Variants in LRBA observed in about 807,000 individuals in gnomAD.
LRBA encodes the protein LPS responsive beige-like anchor protein, also known as lipopolysaccharide-responsive and beige-like anchor protein.
A neutral mutation model predicts 330.0 loss-of-function variants in LRBA; 176 were observed. That is an observed-to-expected ratio of 0.53 (90% confidence interval 0.47 to 0.60). LRBA has a LOEUF of 0.60. Among genes scored for constraint, LRBA ranks in the 20% least tolerant of loss-of-function variants. LRBA has a pLI of 0.00. For missense variants in LRBA, 3,259 were observed against 3,444.8 expected, an observed-to-expected ratio of 0.95 and a Z score of 1.35; for synonymous variants, 1,230 against 1,193.0, an observed-to-expected ratio of 1.03 and a Z score of -0.64.
chr4:150,694,455 T>A (rs1270712038), intron 36 of LRBA, among the ~76,000 whole-genome samples: 16 of 8,544 alleles, frequency 1.9e-3, no homozygotes, highest in Non-Finnish European at 0.017. Flanking sequence ...TAAAGTGTGA[T>A]CTTTAACAAA....
At chr4:150,843,037 TGA>T (rs1185344448) in intron 28 of LRBA, among the ~76,000 whole-genome samples, 1 of 152,174 alleles carries the variant, frequency 6.6e-6, no homozygotes, top group East Asian at 1.9e-4. Flanking sequence ...CGTGCTCCTA[TGA>T]GAGTCTAATG....
In LRBA at chr4:150,536,759, C is replaced by T. The variant is rs568459026; in HGVS notation, c.6331-45724G>A. ...CACAATCCCATTTATAATAGACACA[C>T]ACACACATAAACAAATGAGGTGAAA... On this transcript the variant is annotated intron_variant, in intron 40 of 56. Transcript: ENST00000651943. Among the ~76,000 whole-genome samples the T allele has an allele frequency of 2.6e-5, 4 of 152,238 alleles. No individual in the cohort carries two copies. In the South Asian group the frequency reaches 8.3e-4, roughly 32 times the overall value.
At position 150,265,579 on chromosome 4, in the gene LRBA, C is replaced by T. The variant is rs534283925; in HGVS notation, c.*143G>A. 6 of 599,994 alleles carry T rather than the reference C, an allele frequency of 1.0e-5. No homozygotes were observed. Among genetic ancestry groups the T allele is most frequent in the South Asian group, 2.2e-5 (1 of 45,856 alleles). 37.2% of individuals were successfully genotyped at this position (599,994 alleles called of 1,614,324 possible). ...CCCCAAAAAAGTCAAGCAAAGACTA[C>T]AAAAATAGCAATTATTAATAACTTT... On this transcript the variant is annotated 3_prime_UTR_variant, in exon 57 of 57. Coordinates refer to ENST00000651943, the MANE Select transcript of LRBA (RefSeq NM_001364905.1).
At chr4:150,367,149 A>T (rs567736523) in intron 47 of LRBA, among the ~76,000 whole-genome samples, 146 of 152,332 alleles carry the variant, frequency 9.6e-4, no homozygotes, top group African/African-American at 3.2e-3. Flanking sequence ...AAAATTTTTT[A>T]AATTTTCCTT....
At chr4:150,489,129 G>GAATATATAATATATAATATAT (rs1422250209) in intron 41 of LRBA, among the ~76,000 whole-genome samples, 1 of 61,636 alleles carries the variant, frequency 1.6e-5, no homozygotes, top group East Asian at 5.0e-4. Context: ...TAATATATAA[G>GAATATATAATATATAATATAT]AATATATAAT....
chr4:150,583,012 C>T lies in LRBA; in HGVS notation c.6330+5036G>A. The T allele has an allele frequency of 1.3e-6, 2 of 1,573,104 alleles. No homozygotes were observed. The highest frequency in any genetic ancestry group is 1.7e-6 in the Non-Finnish European group (2 of 1,158,664). ...GTATTGCGAGACGCCGGTGTATAGCCCGGACCTGTGCCCCAACATGATCGC... is the reference window on the plus strand; with the variant it reads ...GTATTGCGAGACGCCGGTGTATAGCTCGGACCTGTGCCCCAACATGATCGC... On this transcript the variant is annotated intron_variant, in intron 40 of 56. Transcript: ENST00000651943. The surrounding 1 kb of genome is among the most constrained non-coding windows in gnomAD (Gnocchi z 9.8).
intron 9 of LRBA, among the ~76,000 whole-genome samples, chr4:150,913,633 A>G (rs1732259208): frequency 6.6e-6 from 1 of 152,328 alleles, no homozygotes; most frequent in East Asian, 1.9e-4. Flanking sequence ...TGAATACTGA[A>G]GTGTCCTACT....
At chr4:150,893,209 T>C (rs1157071744) in intron 16 of LRBA, 60 bp from the exon 17 acceptor site, 6 of 801,190 alleles carry the variant, frequency 7.5e-6, no homozygotes, top group Non-Finnish European at 1.2e-5. Flanking sequence ...AGTTGAATAA[T>C]GAATACTTCT....
intron 2 of LRBA, among the ~76,000 whole-genome samples, chr4:150,968,873 T>G (rs1168357334): frequency 6.6e-6 from 1 of 152,202 alleles, no homozygotes; most frequent in Non-Finnish European, 1.5e-5. Flanking sequence ...CAGACTCTAC[T>G]GTTAGGGGCT....
chr4:150,791,863 C>T (rs1307278251), intron 34 of LRBA, among the ~76,000 whole-genome samples: 2 of 151,760 alleles, frequency 1.3e-5, no homozygotes, highest in Non-Finnish European at 2.9e-5. Context: ...CCCGTCTCTA[C>T]TAAAAATACA....
chr4:150,850,711 CAT>C lies in LRBA; in HGVS notation c.4004+11_4004+12del. Reference sequence around the variant, plus strand: ...GTTTATACACATCTTCCATAATAAACATATAGACAAACCTTCTCCACATCTGT... The same window carrying C: ...GTTTATACACATCTTCCATAATAAACATAGACAAACCTTCTCCACATCTGT... On this transcript the variant is annotated intron_variant, in intron 24 of 56. Transcript: ENST00000651943. The C allele has an allele frequency of 6.4e-7, 1 of 1,565,894 alleles. No individual in the cohort carries two copies.
chr4:150,706,828 A>C (rs1009573194), intron 36 of LRBA, among the ~76,000 whole-genome samples: 2 of 151,678 alleles, frequency 1.3e-5, no homozygotes, highest in Admixed American at 6.6e-5. Context: ...AGAGATCATC[A>C]AACTCACTCA....
At chr4:150,388,656 C>T (rs1387403781) in intron 47 of LRBA, among the ~76,000 whole-genome samples, 1 of 152,018 alleles carries the variant, frequency 6.6e-6, no homozygotes, top group Non-Finnish European at 1.5e-5. Context: ...TTTTTAAAAG[C>T]CTGTTGGGAG....
chr4:150,555,266 C>T (rs142248682), intron 40 of LRBA, among the ~76,000 whole-genome samples: 49 of 152,262 alleles, frequency 3.2e-4, no homozygotes, highest in African/African-American at 1.2e-3. Flanking sequence ...AATGCTACTA[C>T]CTATCCTCAA....
intron 30 of LRBA, among the ~76,000 whole-genome samples, chr4:150,818,922 A>T (rs1368721700): frequency 1.3e-5 from 2 of 152,076 alleles, no homozygotes; most frequent in African/African-American, 4.8e-5. Context: ...GAATTTCCTC[A>T]AGAAAGCTTA....
At chr4:150,691,614 G>A (rs919172918) in intron 36 of LRBA, among the ~76,000 whole-genome samples, 7 of 152,138 alleles carry the variant, frequency 4.6e-5, no homozygotes, top group Non-Finnish European at 5.9e-5. Context: ...TTGTAAAGTC[G>A]TCAACTACTT....
chr4:150,810,327 A>T (rs1008404386), intron 31 of LRBA, among the ~76,000 whole-genome samples: 1 of 152,228 alleles, frequency 6.6e-6, no homozygotes, highest in African/African-American at 2.4e-5. Flanking sequence ...CCCACCCCTT[A>T]GAGTGAGCAC....
chr4:150,338,665 AT>A (rs950577357), intron 48 of LRBA, among the ~76,000 whole-genome samples: 3 of 151,798 alleles, frequency 2.0e-5, no homozygotes, highest in South Asian at 2.1e-4. Flanking sequence ...ATTGGAAAGG[AT>A]TTTTTTTTAA....
At chr4:150,768,063 CAAA>C (rs777328686) in intron 34 of LRBA, among the ~76,000 whole-genome samples, 4 of 58,034 alleles carry the variant, frequency 6.9e-5, no homozygotes, top group Non-Finnish European at 1.1e-4. Flanking sequence ...GACTCTGTCT[CAAA>C]AAAAAAAAAA....
Sources: gnomAD v4.1 joint callset for allele counts (sites outside exome capture counted in the v4.1 genomes callset) on GRCh38, gnomAD v4.1.1 for gene constraint, Gnocchi (gnomAD v3.1) non-coding constraint, MANE v1.5 for transcripts, NCBI Gene and HGNC (gene_info 2026-07-23, HGNC 2026-07-21) for gene names.